Variants in DDAH1 observed in about 807,000 individuals in gnomAD.
The protein encoded by DDAH1 is N(G),N(G)-dimethylarginine dimethylaminohydrolase 1.
DDAH1 carries 19 observed loss-of-function variants against 28.8 expected under a neutral mutation model. The ratio of observed to expected loss-of-function variants is 0.66; its 90% confidence interval spans 0.46 to 0.97. The LOEUF is 0.97. DDAH1 is among the 50% of genes least tolerant of loss of function. DDAH1 has a pLI of 0.00. For synonymous variants in DDAH1, 153 were observed against 154.4 expected (o/e 0.99, Z 0.07); for missense variants, 326 against 375.9 (o/e 0.87, Z 1.10).
At chr1:85,479,395 G>A (rs899871117) in intron 2 of DDAH1, among the ~76,000 whole-genome samples, 2 of 151,128 alleles carry the variant, frequency 1.3e-5, no homozygotes, top group Admixed American at 6.6e-5. Flanking sequence ...GGATGGTCTC[G>A]ATCTCCTGAC....
chr1:85,512,729 A>G (rs1410917386), intron 1 of DDAH1, among the ~76,000 whole-genome samples: 1 of 152,218 alleles, frequency 6.6e-6, no homozygotes, highest in African/African-American at 2.4e-5. Context: ...GAGCCAAATC[A>G]TGAGTGAACT....
chr1:85,470,137 T>C (rs1655567499), upstream of DDAH1, among the ~76,000 whole-genome samples: 2 of 152,104 alleles, frequency 1.3e-5, no homozygotes, highest in African/African-American at 4.8e-5. Context: ...GAGATGGGGG[T>C]GTGTATTAGT....
At chr1:85,568,839 A>T (rs1659376863) in intron 1 of DDAH1, among the ~76,000 whole-genome samples, 2 of 152,186 alleles carry the variant, frequency 1.3e-5, no homozygotes, top group South Asian at 4.1e-4. Flanking sequence ...GTGTGACAAG[A>T]AGACTTCACC....
chr1:85,320,264 A>G lies in DDAH1; in HGVS notation c.*1188T>C, dbSNP rs1316732991. On this transcript the variant is annotated 3_prime_UTR_variant, in exon 6 of 6. Coordinates refer to ENST00000284031, the MANE Select transcript of DDAH1 (RefSeq NM_012137.4). ...GAAGTTTAAATTGGATCCCACAGTAAATATTCACGGATATTTCAAAGTAGA... is the reference window on the plus strand; with the variant it reads ...GAAGTTTAAATTGGATCCCACAGTAGATATTCACGGATATTTCAAAGTAGA... 1 of 152,632 alleles carries G rather than the reference A, an allele frequency of 6.6e-6. No individual in the cohort carries two copies. Among genetic ancestry groups the G allele is most frequent in the African/African-American group, 2.4e-5 (1 of 41,442 alleles). 9.5% of individuals were successfully genotyped at this position (152,632 alleles called of 1,614,324 possible).
At chr1:85,353,426 T>C (rs577178411) in intron 2 of DDAH1, among the ~76,000 whole-genome samples, 2 of 152,308 alleles carry the variant, frequency 1.3e-5, no homozygotes, top group South Asian at 4.1e-4. Flanking sequence ...ATGTCCTTAT[T>C]AAACGGGCAA....
intron 1 of DDAH1, among the ~76,000 whole-genome samples, chr1:85,507,732 G>A (rs570612740): frequency 9.9e-5 from 15 of 152,030 alleles, no homozygotes; most frequent in South Asian, 2.1e-4. Context: ...TGAAGTTCTC[G>A]TATTGGGTTG....
chr1:85,325,672 A>G (rs1201284807), intron 4 of DDAH1, among the ~76,000 whole-genome samples: 1 of 152,118 alleles, frequency 6.6e-6, no homozygotes, highest in African/African-American at 2.4e-5. Flanking sequence ...GTATCCTAGC[A>G]TAAAATAACT....
intron 4 of DDAH1, among the ~76,000 whole-genome samples, chr1:85,343,897 CTGAG>C (rs1235986996): frequency 6.6e-6 from 1 of 152,182 alleles, no homozygotes; most frequent in Non-Finnish European, 1.5e-5. Flanking sequence ...GAAATACAGT[CTGAG>C]TGATCTCTAT....
chr1:85,474,489 G>C (rs1312188482), intron 2 of DDAH1, among the ~76,000 whole-genome samples: 3 of 152,072 alleles, frequency 2.0e-5, no homozygotes, highest in Non-Finnish European at 1.5e-5. Flanking sequence ...TTCCTGGAAT[G>C]TGTGTGGCCC....
intron 1 of DDAH1, among the ~76,000 whole-genome samples, chr1:85,505,321 G>T (rs763278340): frequency 9.2e-5 from 14 of 151,922 alleles, no homozygotes; most frequent in Admixed American, 2.0e-4. Context: ...ACCAGAGTAG[G>T]CCACACCTAA....
intron 1 of DDAH1, among the ~76,000 whole-genome samples, chr1:85,503,466 T>C (rs1219123130): frequency 6.6e-6 from 1 of 152,188 alleles, no homozygotes; most frequent in Non-Finnish European, 1.5e-5. Flanking sequence ...CCTCCCAAAG[T>C]GCTGAGAATA....
intron 1 of DDAH1, among the ~76,000 whole-genome samples, chr1:85,436,820 T>C (rs1284225938): frequency 1.3e-5 from 2 of 152,170 alleles, no homozygotes; most frequent in Non-Finnish European, 2.9e-5. Context: ...TTTTGACAAC[T>C]CTCAGTTCTT....
At chr1:85,408,791 G>C (rs1197959043) in intron 1 of DDAH1, among the ~76,000 whole-genome samples, 2 of 152,088 alleles carry the variant, frequency 1.3e-5, no homozygotes, top group Non-Finnish European at 2.9e-5. Flanking sequence ...AGCACCAGAG[G>C]CAATGAATGG....
chr1:85,476,782 G>A (rs543309483), intron 2 of DDAH1, among the ~76,000 whole-genome samples: 21 of 152,090 alleles, frequency 1.4e-4, no homozygotes, highest in Non-Finnish European at 2.6e-4. Flanking sequence ...TTAGTATCAA[G>A]TTCTGTTATT....
chr1:85,346,940 C>A lies in DDAH1; in HGVS notation c.597+3475G>T, dbSNP rs1648885256. Among the ~76,000 whole-genome samples, 4 of 152,044 alleles carry A rather than the reference C, an allele frequency of 2.6e-5. No individual in the cohort carries two copies. The South Asian group carries it at 8.3e-4, about 32-fold the overall frequency. On this transcript the variant is annotated intron_variant, in intron 4 of 5. Transcript: ENST00000284031. ...ACAAGAAAAAAACAAACAACCCCAT[C>A]AAAAAGTGGGCAAAGGATATGAACA...
intron 2 of DDAH1, among the ~76,000 whole-genome samples, chr1:85,486,556 C>T (rs1656209004): frequency 6.6e-6 from 1 of 152,180 alleles, no homozygotes; most frequent in African/African-American, 2.4e-5. Flanking sequence ...AGCTAGACTA[C>T]ATATTTATTC....
chr1:85,406,461 A>G (rs1652407794), intron 1 of DDAH1, among the ~76,000 whole-genome samples: 1 of 152,220 alleles, frequency 6.6e-6, no homozygotes, highest in East Asian at 1.9e-4. Flanking sequence ...ATTATCTATA[A>G]TGTGAAATCA....
chr1:85,483,449 T>TA (rs1013830766), intron 2 of DDAH1, among the ~76,000 whole-genome samples: 2 of 152,234 alleles, frequency 1.3e-5, no homozygotes, highest in African/African-American at 2.4e-5. Context: ...CTCTCCCCAG[T>TA]AAAAAATCTT....
At chr1:85,389,099 T>C (rs1651418258) in intron 1 of DDAH1, among the ~76,000 whole-genome samples, 2 of 152,020 alleles carry the variant, frequency 1.3e-5, no homozygotes, top group African/African-American at 4.8e-5. Context: ...CCCAGCACTT[T>C]GGGAGGCTGA....
Sources: gnomAD v4.1 joint callset for allele counts (sites outside exome capture counted in the v4.1 genomes callset) on GRCh38, gnomAD v4.1.1 for gene constraint, MANE v1.5 for transcripts, NCBI Gene and HGNC (gene_info 2026-07-23, HGNC 2026-07-21) for gene names.